The following THADA variants were observed in gnomAD, a reference collection of about 807,000 sequenced individuals.
THADA encodes THADA armadillo repeat containing, also known as tRNA (32-2'-O)-methyltransferase regulator THADA.
Under a neutral mutation model 219.8 loss-of-function variants are expected in THADA, and 213 were observed. The ratio of observed to expected loss-of-function variants is 0.97; its 90% CI spans 0.87 to 1.09. The LOEUF (loss-of-function observed/expected upper bound fraction) is 1.09, where lower values mean the gene tolerates loss of function less well. THADA is among the 50% of genes least tolerant of loss of function. The pLI is 0.00. For missense variants in THADA, 2,956 were observed against 2,311.3 expected, an observed-to-expected ratio of 1.28 and a Z score of -5.72; for synonymous variants, 1,018 against 828.9, an observed-to-expected ratio of 1.23 and a Z score of -3.92.
intron 26 of THADA, among the ~76,000 whole-genome samples, chr2:43,473,366 C>T (rs1432432881): frequency 6.6e-6 from 1 of 152,144 alleles, no homozygotes; most frequent in African/African-American, 2.4e-5. Flanking sequence ...CCCACCTCTA[C>T]ATTCTGTCGC....
intron 30 of THADA, among the ~76,000 whole-genome samples, chr2:43,324,237 C>T (rs182990789): frequency 1.3e-5 from 2 of 152,290 alleles, no homozygotes; most frequent in East Asian, 1.9e-4. Context: ...GAAAGGTTGA[C>T]GATCTTTAGA....
chr2:43,479,600 T>C (rs950626301), intron 26 of THADA, among the ~76,000 whole-genome samples: 2 of 151,116 alleles, frequency 1.3e-5, no homozygotes, highest in Non-Finnish European at 2.9e-5. Flanking sequence ...AAGAGTTTTA[T>C]AGAGATAAAT....
rs551806523 is a variant in THADA, at chr2:43,420,064, C to T, written c.4058+8036G>A. Among the ~76,000 whole-genome samples, 4 of 152,296 alleles carry T rather than the reference C, an allele frequency of 2.6e-5. No homozygotes were observed. The South Asian group carries it at 8.3e-4, about 32-fold the overall frequency. ...CATCACAATCTTCCCCTTGTTGGAT[C>T]CCCCTGACTTTTCACTCCTCTCACA... On this transcript the variant is annotated intron_variant, in intron 28 of 37. Coordinates refer to ENST00000405975, the MANE Select transcript of THADA (RefSeq NM_022065.5).
At chr2:43,448,970 C>T (rs12996855) in intron 26 of THADA, among the ~76,000 whole-genome samples, 4 of 151,878 alleles carry the variant, frequency 2.6e-5, no homozygotes, top group East Asian at 1.9e-4. Context: ...AAAGGGGGGG[C>T]GGGGAACCCA....
chr2:43,378,902 G>C (rs569334932), intron 29 of THADA, among the ~76,000 whole-genome samples: 1 of 152,156 alleles, frequency 6.6e-6, no homozygotes, highest in Non-Finnish European at 1.5e-5. Context: ...CATCGCACCA[G>C]CCTAATAATA....
chr2:43,494,230 G>T (rs1687992121), intron 25 of THADA, among the ~76,000 whole-genome samples: 1 of 152,206 alleles, frequency 6.6e-6, no homozygotes, highest in Non-Finnish European at 1.5e-5. Context: ...GTTTCACATG[G>T]TCTGGCTAGA....
intron 5 of THADA, 25 bp downstream of exon 5, chr2:43,586,829 A>C: frequency 6.2e-7 from 1 of 1,612,180 alleles, no homozygotes; most frequent in Non-Finnish European, 8.5e-7. Flanking sequence ...TAGCCAGAAA[A>C]AGGACTAGAA....
At chr2:43,465,622 C>T (rs1468401028) in intron 26 of THADA, among the ~76,000 whole-genome samples, 2 of 152,370 alleles carry the variant, frequency 1.3e-5, no homozygotes, top group East Asian at 3.9e-4. Context: ...TACTCAATGT[C>T]TGCTGAGGGA....
chr2:43,283,827 A>G (rs1172583378), intron 35 of THADA, among the ~76,000 whole-genome samples: 1 of 152,272 alleles, frequency 6.6e-6, no homozygotes, highest in Non-Finnish European at 1.5e-5. Context: ...ATGTGGTACA[A>G]AAGAAAAACC....
In THADA at chr2:43,549,329, T is replaced by C. The variant is rs1162302858; in HGVS notation, c.2987A>G (p.Gln996Arg). 5 of 1,603,414 alleles carry C rather than the reference T, an allele frequency of 3.1e-6. No homozygotes were observed. In the East Asian group the frequency reaches 1.1e-4, roughly 36 times the overall value. Reference sequence around the variant, plus strand: ...AAAATAATCATTAGTATCTCGAGGCTGAATCTCATTCAGAATCATCTGTAA... The same window carrying C: ...AAAATAATCATTAGTATCTCGAGGCCGAATCTCATTCAGAATCATCTGTAA... ...SRLQMILNEI[Q>R]PRDTNDYFNQ... The change falls in exon 20 of 38, where the codon CAG (glutamine) becomes CGG (arginine). Residue 996 changes from glutamine to arginine, a missense_variant. By Grantham distance (43) the Gln-to-Arg change is conservative. Transcript: ENST00000405975.
chr2:43,252,918 G>T (rs1019677451), intron 36 of THADA, among the ~76,000 whole-genome samples: 1 of 152,110 alleles, frequency 6.6e-6, no homozygotes, highest in African/African-American at 2.4e-5. Flanking sequence ...TCCTATTCTG[G>T]TGACTCCTAA....
intron 26 of THADA, among the ~76,000 whole-genome samples, chr2:43,480,606 C>A (rs1267096950): frequency 1.3e-5 from 2 of 151,568 alleles, no homozygotes; most frequent in African/African-American, 4.9e-5. Context: ...GTCAGGAGTT[C>A]AAGACTAATC....
At chr2:43,278,244 G>A (rs1333622837) in intron 36 of THADA, among the ~76,000 whole-genome samples, 5 of 152,008 alleles carry the variant, frequency 3.3e-5, no homozygotes, top group Admixed American at 2.6e-4. Context: ...AGATTACTGC[G>A]CCTGGCCTAA....
At chr2:43,410,018 TAAA>T (rs200952206) in intron 28 of THADA, among the ~76,000 whole-genome samples, 1 of 132,072 alleles carries the variant, frequency 7.6e-6, no homozygotes. Flanking sequence ...TCTCATCTCT[TAAA>T]AAAAAAAAAA....
In THADA at chr2:43,566,895, T is replaced by G; in HGVS notation, c.2188-74A>C. ...GTTATATTCAGAGTATTAAACACCC[T>G]TTAAGAGTGGGTGTTTTTGTTTTCA... On this transcript the variant is annotated intron_variant, in intron 14 of 37. Transcript: ENST00000405975. 3.9e-6 allele frequency: 4 copies of G among 1,014,974 alleles called. No homozygotes were observed. In the South Asian group the frequency reaches 8.3e-5, roughly 21 times the overall value. The allele number at this position is 1,014,974 out of a possible 1,614,324, so 62.9% of individuals were successfully genotyped here. A position where few individuals can be genotyped will look rare whatever the true frequency, so the allele number is the denominator to read the frequency against.
chr2:43,584,924 T>C (rs1411937463), intron 7 of THADA, among the ~76,000 whole-genome samples: 1 of 152,066 alleles, frequency 6.6e-6, no homozygotes, highest in Non-Finnish European at 1.5e-5. Context: ...CAGCAACATA[T>C]TACAAAAAGG....
At chr2:43,365,598 C>CAA (rs1491046008) in intron 29 of THADA, among the ~76,000 whole-genome samples, 2 of 151,508 alleles carry the variant, frequency 1.3e-5, no homozygotes, top group African/African-American at 4.9e-5. Flanking sequence ...CACACACACA[C>CAA]GCACAAAATG....
At chr2:43,481,906 T>C (rs1290455302) in intron 26 of THADA, among the ~76,000 whole-genome samples, 1 of 152,174 alleles carries the variant, frequency 6.6e-6, no homozygotes, top group Non-Finnish European at 1.5e-5. Context: ...TTGACATGTA[T>C]CATTTAGCTG....
At chr2:43,365,864 G>T (rs989796728) in intron 29 of THADA, among the ~76,000 whole-genome samples, 1 of 152,140 alleles carries the variant, frequency 6.6e-6, no homozygotes, top group Admixed American at 6.5e-5. Context: ...GTTTATAATT[G>T]CTCAGATGGG....
Sources: allele counts gnomAD v4.1 joint callset (sites outside exome capture counted in the v4.1 genomes callset), GRCh38; gene constraint gnomAD v4.1.1; transcripts MANE v1.5; gene names NCBI Gene and HGNC (gene_info 2026-07-23, HGNC 2026-07-21).